ARMC2: variants seen among roughly 807,000 people sequenced by gnomAD.
The protein encoded by ARMC2 is armadillo repeat containing 2.
A neutral mutation model predicts 90.3 loss-of-function variants in ARMC2; 67 were observed. The observed-to-expected ratio is 0.74, with a 90% CI of 0.61 to 0.91. The LOEUF is 0.91. ARMC2 is among the 40% of genes least tolerant of loss of function. The pLI is 0.00. For synonymous variants in ARMC2, 393 were observed against 393.0 expected (o/e 1.00, Z 0.00); for missense variants, 920 against 1,030.9 (o/e 0.89, Z 1.47).
chr6:108,899,936 G>C (rs1010522787), intron 7 of ARMC2, 144 bp downstream of exon 7: 1 of 658,124 alleles, frequency 1.5e-6, no homozygotes, highest in Non-Finnish European at 2.6e-6. Context: ...AACAAATGAA[G>C]TCATCTATTT....
At chr6:108,989,516 T>G in the ARMC2 span, among the ~76,000 whole-genome samples, 116,297 of 148,246 alleles carry the variant, frequency 0.78, 46,488 homozygotes, top group East Asian at 0.93. Flanking sequence ...TATATATATA[T>G]AGAGAGATAT....
the ARMC2 span, among the ~76,000 whole-genome samples, chr6:109,005,409 A>G: frequency 1.3e-5 from 2 of 152,232 alleles, no homozygotes; most frequent in Non-Finnish European, 2.9e-5. Context: ...TCTTACAAAT[A>G]CATTAGCATC....
intron 5 of ARMC2, among the ~76,000 whole-genome samples, chr6:108,885,662 A>T (rs557515941): frequency 2.6e-5 from 4 of 151,228 alleles, no homozygotes; most frequent in Admixed American, 1.3e-4. Context: ...TGACAGAGTG[A>T]GACTCTGTCG....
At chr6:108,986,818 A>C in the ARMC2 span, 14 of 152,248 alleles carry the variant, frequency 9.2e-5, no homozygotes, top group African/African-American at 3.1e-4. Context: ...AAAGATCGCC[A>C]GCTTCTTATA....
At chr6:108,972,496 C>T (rs902188350) in intron 17 of ARMC2, among the ~76,000 whole-genome samples, 1 of 152,166 alleles carries the variant, frequency 6.6e-6, no homozygotes, top group African/African-American at 2.4e-5. Context: ...AAAAGATTTC[C>T]TGATTCCTTT....
intron 10 of ARMC2, among the ~76,000 whole-genome samples, chr6:108,927,887 C>T (rs1011142533): frequency 6.6e-6 from 1 of 152,172 alleles, no homozygotes; most frequent in African/African-American, 2.4e-5. Context: ...CATTCTTTAC[C>T]TTTCAACCAA....
the ARMC2 span, among the ~76,000 whole-genome samples, chr6:108,982,356 C>A: frequency 6.6e-6 from 1 of 152,146 alleles, no homozygotes; most frequent in Non-Finnish European, 1.5e-5. Context: ...AGAGAGAGAT[C>A]ATCTCTCACC....
At chr6:108,924,719 A>G (rs546282368) in intron 10 of ARMC2, among the ~76,000 whole-genome samples, 6 of 152,214 alleles carry the variant, frequency 3.9e-5, no homozygotes, top group East Asian at 1.9e-4. Flanking sequence ...CCTTTAGGCT[A>G]TGGGTGCTAC....
In ARMC2 at chr6:108,904,224, T is replaced by C; in HGVS notation, c.848-6T>C. 2 of 1,613,354 alleles carry C rather than the reference T, an allele frequency of 1.2e-6. No homozygotes were observed. The highest frequency in any genetic ancestry group is 3.3e-5 in the Admixed American group (2 of 59,882). ...AAGTGTTGCTTTACTCTCTTTGCTCTGACAGAAGAAAACATTGAAACGGTT... is the reference window on the plus strand; with the variant it reads ...AAGTGTTGCTTTACTCTCTTTGCTCCGACAGAAGAAAACATTGAAACGGTT... On this transcript the variant is annotated splice_polypyrimidine_tract_variant and splice_region_variant and intron_variant, in intron 7 of 17. Transcript: ENST00000392644.
intron 8 of ARMC2, chr6:108,907,600 G>T: frequency 6.4e-7 from 1 of 1,551,670 alleles, no homozygotes; most frequent in Non-Finnish European, 8.9e-7. Flanking sequence ...GGTGCAGAGC[G>T]TGTCCTCTTC....
intron 13 of ARMC2, among the ~76,000 whole-genome samples, chr6:108,958,400 G>C (rs1429021408): frequency 1.3e-5 from 2 of 152,154 alleles, no homozygotes; most frequent in African/African-American, 4.8e-5. Flanking sequence ...ACTTTTGAGG[G>C]TTACATGCAT....
intron 12 of ARMC2, among the ~76,000 whole-genome samples, chr6:108,938,758 A>G (rs1776183162): frequency 6.6e-6 from 1 of 151,986 alleles, no homozygotes; most frequent in Non-Finnish European, 1.5e-5. Context: ...TATAATCTAT[A>G]ATTTTTTTAA....
the ARMC2 span, among the ~76,000 whole-genome samples, chr6:109,046,559 A>T: frequency 7.2e-6 from 1 of 139,550 alleles, no homozygotes; most frequent in Non-Finnish European, 1.6e-5. Flanking sequence ...CTGGGATGTG[A>T]GGAGCCCCTC....
At chr6:108,878,010 T>C (rs28360588) in intron 5 of ARMC2, among the ~76,000 whole-genome samples, 40,096 of 152,120 alleles carry the variant, frequency 0.26, 6,517 homozygotes, top group Non-Finnish European at 0.35. Context: ...AGGTTAACTT[T>C]CAGTAACATT....
intron 11 of ARMC2, among the ~76,000 whole-genome samples, chr6:108,930,101 C>T (rs1052342029): frequency 1.3e-5 from 2 of 151,574 alleles, no homozygotes; most frequent in East Asian, 3.9e-4. Flanking sequence ...GCACTCCAGC[C>T]TGGGCAACAG....
chr6:109,033,704 T>G, the ARMC2 span, among the ~76,000 whole-genome samples: 1 of 152,124 alleles, frequency 6.6e-6, no homozygotes, highest in Non-Finnish European at 1.5e-5. Context: ...AAGAGCAAAA[T>G]TTGATAATAT....
intron 3 of ARMC2, among the ~76,000 whole-genome samples, chr6:108,865,927 G>A (rs924362562): frequency 3.3e-5 from 5 of 150,078 alleles, no homozygotes; most frequent in African/African-American, 1.2e-4. Flanking sequence ...TGAGGCTGGA[G>A]AATTGCATGA....
At chr6:109,007,873 G>C in the ARMC2 span, among the ~76,000 whole-genome samples, 1 of 145,966 alleles carries the variant, frequency 6.9e-6, no homozygotes, top group Non-Finnish European at 1.5e-5. Flanking sequence ...GTAATACTTA[G>C]GCCATATTTG....
intron 3 of ARMC2, among the ~76,000 whole-genome samples, chr6:108,868,124 T>C (rs1398683369): frequency 6.6e-6 from 1 of 152,004 alleles, no homozygotes; most frequent in East Asian, 1.9e-4. Flanking sequence ...TTGGTACATG[T>C]AGGTACTCAA....
Sources: gnomAD v4.1 joint callset for allele counts (sites outside exome capture counted in the v4.1 genomes callset) on GRCh38, gnomAD v4.1.1 for gene constraint, MANE v1.5 for transcripts, NCBI Gene and HGNC (gene_info 2026-07-23, HGNC 2026-07-21) for gene names.